Variants in STAU1 observed in about 807,000 individuals in gnomAD.
STAU1 encodes double-stranded RNA-binding protein Staufen homolog 1.
Under a neutral mutation model 62.9 loss-of-function variants are expected in STAU1, and 13 were observed. The observed-to-expected ratio is 0.21, with a 90% CI of 0.13 to 0.33. The LOEUF is 0.33. Ranked by LOEUF, STAU1 falls within the 10% of genes least tolerant of loss-of-function variation. The probability of loss-of-function intolerance (pLI) is 1.00; values close to 1 mark genes in which losing one functional copy is unlikely to be tolerated. For missense variants in STAU1, 571 were observed against 712.1 expected (o/e 0.80, Z 2.25); for synonymous variants, 269 against 265.1 (o/e 1.01, Z -0.14).
chr20:49,129,906 G>T (rs1251351428), intron 6 of STAU1, among the ~76,000 whole-genome samples: 1 of 152,116 alleles, frequency 6.6e-6, no homozygotes, highest in East Asian at 1.9e-4. Context: ...GGGATTACAG[G>T]CATGAGCCCA....
intron 5 of STAU1, among the ~76,000 whole-genome samples, chr20:49,145,483 A>G (rs542451642): frequency 1.3e-5 from 2 of 148,160 alleles, no homozygotes; most frequent in South Asian, 4.3e-4. Flanking sequence ...CTGTAATCCC[A>G]GCACTTTGGG....
chr20:49,142,461 G>A (rs1258203747), intron 5 of STAU1, among the ~76,000 whole-genome samples: 1 of 152,042 alleles, frequency 6.6e-6, no homozygotes, highest in East Asian at 1.9e-4. Context: ...ATGTATCAAG[G>A]TTCCACGTAA....
At chr20:49,154,359 A>G (rs1201647512) in intron 3 of STAU1, among the ~76,000 whole-genome samples, 3 of 152,240 alleles carry the variant, frequency 2.0e-5, no homozygotes, top group South Asian at 4.1e-4. Context: ...GCTGTCAGAA[A>G]TAAGTTCCAA....
Position 49,151,647 on chromosome 20 carries a change from T to G in STAU1, c.445A>C (p.Lys149Gln). 1 of 1,612,786 alleles carries G rather than the reference T, an allele frequency of 6.2e-7. No individual in the cohort carries two copies. Among genetic ancestry groups the G allele is most frequent in the Non-Finnish European group, 8.5e-7 (1 of 1,179,542 alleles). The change falls in exon 5 of 14, where the codon AAA (lysine) becomes CAA (glutamine). Residue 149 changes from lysine (K) to glutamine (Q), a missense_variant. Lys to Gln is a moderately conservative substitution (Grantham distance 53). This residue lies in a region of STAU1 where 414 missense variants were observed against 499.6 expected (regional missense o/e 0.83). Coordinates refer to ENST00000371856, the MANE Select transcript of STAU1 (RefSeq NM_017453.4). Reference protein sequence around the residue: ...NGKGKTRQAAKHDAAAKALRI... With the variant: ...NGKGKTRQAAQHDAAAKALRI... ...AACGCTTTGGCAGCAGCATCGTGTT[T>G]CGCAGCCTGTCTTGTCTTTCCTTTG...
At chr20:49,128,123 T>C (rs1026002438) in intron 6 of STAU1, among the ~76,000 whole-genome samples, 9 of 151,030 alleles carry the variant, frequency 6.0e-5, no homozygotes, top group African/African-American at 2.0e-4. Flanking sequence ...CACTCCAGCC[T>C]GGGCAACAAG....
At chr20:49,138,383 T>G (rs1379173982) in intron 5 of STAU1, among the ~76,000 whole-genome samples, 1 of 152,178 alleles carries the variant, frequency 6.6e-6, no homozygotes, top group African/African-American at 2.4e-5. Context: ...TTATTCCAGA[T>G]GCTCTTTGTA....
At chr20:49,218,560 AC>A in the STAU1 span, among the ~76,000 whole-genome samples, 15 of 145,594 alleles carry the variant, frequency 1.0e-4, no homozygotes, top group Admixed American at 2.2e-4. Flanking sequence ...AAACAAACAA[AC>A]AAACAAAAAA....
the STAU1 span, among the ~76,000 whole-genome samples, chr20:49,212,153 C>T: frequency 0.09 from 13,731 of 151,966 alleles, 761 homozygotes; most frequent in African/African-American, 0.17. Flanking sequence ...CCATGCCTGG[C>T]TAATTTTGTA....
chr20:49,175,653 T>C (rs536945154), intron 1 of STAU1, among the ~76,000 whole-genome samples: 2 of 146,964 alleles, frequency 1.4e-5, no homozygotes, highest in African/African-American at 5.0e-5. Flanking sequence ...CTAATTTTTT[T>C]ATTTTTATTT....
chr20:49,160,507 T>C (rs1019891498), intron 3 of STAU1, among the ~76,000 whole-genome samples: 4 of 152,192 alleles, frequency 2.6e-5, no homozygotes, highest in Non-Finnish European at 5.9e-5. Flanking sequence ...CCTTAGATGG[T>C]TGGGAAAAAA....
At chr20:49,208,202 G>A in the STAU1 span, among the ~76,000 whole-genome samples, 5 of 152,110 alleles carry the variant, frequency 3.3e-5, no homozygotes, top group Non-Finnish European at 7.4e-5. Flanking sequence ...TGGGACTACA[G>A]GCATATACCA....
chr20:49,152,407 G>A (rs575606990), intron 4 of STAU1, among the ~76,000 whole-genome samples: 85 of 142,066 alleles, frequency 6.0e-4, no homozygotes, highest in Non-Finnish European at 8.2e-4. Context: ...GCAGTGGTGC[G>A]ATCTCGGCTC....
chr20:49,122,254 G>C (rs1223243184), intron 8 of STAU1, among the ~76,000 whole-genome samples: 2 of 152,164 alleles, frequency 1.3e-5, no homozygotes, highest in Non-Finnish European at 2.9e-5. Flanking sequence ...CTAATCTGAA[G>C]TGTCACCCAA....
chr20:49,120,441 G>C (rs1239984181), intron 8 of STAU1, among the ~76,000 whole-genome samples: 1 of 152,162 alleles, frequency 6.6e-6, no homozygotes, highest in African/African-American at 2.4e-5. Flanking sequence ...TTGTACAATG[G>C]AAACAGTCTG....
the STAU1 span, among the ~76,000 whole-genome samples, chr20:49,206,751 A>ATATATTTTTTTTTT: frequency 7.4e-5 from 7 of 95,038 alleles, no homozygotes; most frequent in African/African-American, 2.6e-4. Flanking sequence ...ATATATATAT[A>ATATATTTTTTTTTT]TTTTATTTTA....
chr20:49,140,514 G>A (rs1056294383), intron 5 of STAU1, among the ~76,000 whole-genome samples: 4 of 151,842 alleles, frequency 2.6e-5, no homozygotes, highest in African/African-American at 7.3e-5. Context: ...TAACAGAGAC[G>A]AACCTTGAAA....
chr20:49,203,982 C>T, the STAU1 span, among the ~76,000 whole-genome samples: 3 of 152,300 alleles, frequency 2.0e-5, no homozygotes, highest in African/African-American at 4.8e-5. Flanking sequence ...CTCGCCTGGC[C>T]AGGGGGTAGT....
At chr20:49,119,034 G>GT (rs1382391096) in intron 9 of STAU1, among the ~76,000 whole-genome samples, 3 of 152,170 alleles carry the variant, frequency 2.0e-5, no homozygotes, top group Admixed American at 6.5e-5. Flanking sequence ...GACTGATGCT[G>GT]TTTCTGTCAA....
intron 1 of STAU1, among the ~76,000 whole-genome samples, chr20:49,186,091 C>T (rs533129414): frequency 3.3e-5 from 5 of 152,178 alleles, no homozygotes; most frequent in East Asian, 1.9e-4. Context: ...TGAGCCACCG[C>T]GCCTAACCTG....
Sources: gnomAD v4.1 joint callset for allele counts (sites outside exome capture counted in the v4.1 genomes callset) on GRCh38, gnomAD v4.1.1 for gene constraint, gnomAD v4.1.1 regional missense constraint, MANE v1.5 for transcripts, NCBI Gene and HGNC (gene_info 2026-07-23, HGNC 2026-07-21) for gene names.